DLG2: variants seen among roughly 807,000 people sequenced by gnomAD.
DLG2 encodes disks large homolog 2.
Under a neutral mutation model 132.5 loss-of-function variants are expected in DLG2, and 45 were observed. That is an observed-to-expected ratio of 0.34 (90% CI 0.27 to 0.44). The LOEUF is 0.44. Ranked by LOEUF, DLG2 falls within the 20% of genes least tolerant of loss-of-function variation. The probability of loss-of-function intolerance (pLI) is 1.00; values close to 1 mark genes in which losing one functional copy is unlikely to be tolerated. For missense variants in DLG2, 1,045 were observed against 1,196.9 expected (o/e 0.87, Z 1.87); for synonymous variants, 424 against 419.6 (o/e 1.01, Z -0.13).
chr11:83,961,412 C>T (rs954761345), intron 14 of DLG2, among the ~76,000 whole-genome samples: 8 of 151,862 alleles, frequency 5.3e-5, no homozygotes, highest in African/African-American at 1.9e-4. Context: ...AAAATTAAAA[C>T]GTTTTCTCTT....
intron 6 of DLG2, among the ~76,000 whole-genome samples, chr11:84,711,009 GATAT>G (rs367922564): frequency 1.2e-4 from 11 of 89,050 alleles, no homozygotes; most frequent in East Asian, 7.0e-4. Context: ...TATATATATA[GATAT>G]ATATATATAT....
At chr11:83,537,761 G>A (rs2095922621) in intron 20 of DLG2, among the ~76,000 whole-genome samples, 1 of 129,440 alleles carries the variant, frequency 7.7e-6, no homozygotes, top group Admixed American at 8.8e-5. Context: ...GTTGCAGTGA[G>A]TTGGGATTGT....
At chr11:83,641,289 G>A (rs949735076) in intron 18 of DLG2, among the ~76,000 whole-genome samples, 3 of 151,986 alleles carry the variant, frequency 2.0e-5, no homozygotes, top group Admixed American at 6.6e-5. Context: ...TCTTTCCACC[G>A]GACTCTTAAC....
intron 22 of DLG2, among the ~76,000 whole-genome samples, chr11:83,473,008 CAGGGCAATGACCTGTG>C (rs2092255613): frequency 6.6e-6 from 1 of 152,108 alleles, no homozygotes; most frequent in Non-Finnish European, 1.5e-5. Context: ...CTATTTGCTG[CAGGGCAATGACCTGTG>C]AGACTTCTTT....
chr11:84,634,394 T>C (rs2099637188), intron 6 of DLG2, among the ~76,000 whole-genome samples: 1 of 152,214 alleles, frequency 6.6e-6, no homozygotes, highest in African/African-American at 2.4e-5. Context: ...GATTTCTTCA[T>C]TTATAGTGGA....
intron 6 of DLG2, among the ~76,000 whole-genome samples, chr11:85,072,132 C>G (rs1240898123): frequency 6.6e-6 from 1 of 151,742 alleles, no homozygotes; most frequent in East Asian, 1.9e-4. Flanking sequence ...ACAATTGTAC[C>G]TGCTACAGAA....
intron 3 of DLG2, among the ~76,000 whole-genome samples, chr11:85,406,402 A>G (rs1448783892): frequency 2.6e-5 from 4 of 151,946 alleles, no homozygotes; most frequent in Non-Finnish European, 5.9e-5. Flanking sequence ...TCTGAAAGGA[A>G]TTTTTAAAAA....
rs183615526 is a variant in DLG2, at chr11:85,504,693, C to T, written c.40+93964G>A. Among the ~76,000 whole-genome samples the T allele has an allele frequency of 2.6e-5, 4 of 152,148 alleles. No homozygotes were observed. The East Asian group carries it at 7.7e-4, about 29-fold the overall frequency. ...TTGCCTTAGGATTGTCTTGGCAATGCAGGCTCTTTTTTGATTCCATATGAA... is the reference window on the plus strand; with the variant it reads ...TTGCCTTAGGATTGTCTTGGCAATGTAGGCTCTTTTTTGATTCCATATGAA... On this transcript the variant is annotated intron_variant, in intron 3 of 27. Coordinates refer to ENST00000376104, the MANE Select transcript of DLG2 (RefSeq NM_001142699.3).
intron 20 of DLG2, among the ~76,000 whole-genome samples, chr11:83,533,940 G>A (rs1396919735): frequency 6.6e-6 from 1 of 152,100 alleles, no homozygotes; most frequent in Non-Finnish European, 1.5e-5. Flanking sequence ...AAGGAAGCTG[G>A]GGGCCTATTT....
intron 3 of DLG2, among the ~76,000 whole-genome samples, chr11:85,367,792 C>CTA (rs752245246): frequency 6.6e-6 from 1 of 152,038 alleles, no homozygotes; most frequent in South Asian, 2.1e-4. Flanking sequence ...TTACTATTAC[C>CTA]TATTTCGGTT....
chr11:84,457,020 C>T (rs575110621), intron 7 of DLG2, among the ~76,000 whole-genome samples: 1 of 151,312 alleles, frequency 6.6e-6, no homozygotes, highest in African/African-American at 2.4e-5. Flanking sequence ...CATATTCAGA[C>T]AATTTTATCC....
intron 3 of DLG2, among the ~76,000 whole-genome samples, chr11:85,431,072 T>G (rs796219560): frequency 6.6e-6 from 1 of 152,218 alleles, no homozygotes; most frequent in African/African-American, 2.4e-5. Context: ...CAAACATGTA[T>G]AGAATGCTTC....
At chr11:85,601,806 T>C (rs987807669) in intron 2 of DLG2, among the ~76,000 whole-genome samples, 3 of 152,190 alleles carry the variant, frequency 2.0e-5, no homozygotes, top group African/African-American at 7.2e-5. Context: ...TCACATTTAT[T>C]AGTTCCCTCT....
At chr11:84,229,678 A>AG (rs1333092201) in intron 8 of DLG2, among the ~76,000 whole-genome samples, 1 of 152,178 alleles carries the variant, frequency 6.6e-6, no homozygotes, top group Admixed American at 6.5e-5. Flanking sequence ...TCAAGTAGTA[A>AG]GGGTTTAGAG....
intron 18 of DLG2, among the ~76,000 whole-genome samples, chr11:83,696,198 T>C (rs2081911924): frequency 6.6e-6 from 1 of 152,078 alleles, no homozygotes; most frequent in Admixed American, 6.5e-5. Flanking sequence ...GGGCCTGATC[T>C]TAGATGGCAG....
intron 4 of DLG2, among the ~76,000 whole-genome samples, chr11:85,185,987 A>T (rs2080066476): frequency 6.6e-6 from 1 of 152,000 alleles, no homozygotes; most frequent in Non-Finnish European, 1.5e-5. Context: ...ATCCATGTCA[A>T]CAAAATACCA....
At chr11:85,190,504 T>C (rs961803066) in intron 4 of DLG2, among the ~76,000 whole-genome samples, 2 of 147,762 alleles carry the variant, frequency 1.4e-5, no homozygotes, top group Non-Finnish European at 3.0e-5. Flanking sequence ...GAAAAGCAAA[T>C]AACCAAGATA....
chr11:83,896,510 C>G (rs1406485987), intron 15 of DLG2, among the ~76,000 whole-genome samples: 2 of 152,188 alleles, frequency 1.3e-5, no homozygotes, highest in Non-Finnish European at 2.9e-5. Flanking sequence ...GCCATATTTT[C>G]TTTTGTGAAA....
intron 6 of DLG2, among the ~76,000 whole-genome samples, chr11:85,051,632 A>G (rs1428067533): frequency 6.6e-6 from 1 of 152,180 alleles, no homozygotes; most frequent in African/African-American, 2.4e-5. Flanking sequence ...AAAATGTTTG[A>G]ATACATTTAT....
Sources: allele counts gnomAD v4.1 joint callset (sites outside exome capture counted in the v4.1 genomes callset), GRCh38; gene constraint gnomAD v4.1.1; transcripts MANE v1.5; gene names NCBI Gene and HGNC (gene_info 2026-07-23, HGNC 2026-07-21).